Variants in F5 observed in about 807,000 individuals in gnomAD.
The protein encoded by F5 is activated protein c cofactor.
Under a neutral mutation model 216.4 loss-of-function variants are expected in F5, and 138 were observed. The ratio of observed to expected loss-of-function variants is 0.64; its 90% CI spans 0.56 to 0.73. The LOEUF (loss-of-function observed/expected upper bound fraction) is 0.73. F5 is among the 30% of genes least tolerant of loss of function. The pLI is 0.00. For missense variants in F5, 2,403 were observed against 2,674.0 expected, an observed-to-expected ratio of 0.90 and a Z score of 2.24; for synonymous variants, 916 against 930.7, an observed-to-expected ratio of 0.98 and a Z score of 0.29.
chr1:169,546,622 C>T lies in F5; in HGVS notation c.1612-30G>A, dbSNP rs1423658721. 6 of 1,600,164 alleles carry T rather than the reference C, an allele frequency of 3.7e-6. No homozygotes were observed. In the Admixed American group the frequency reaches 8.3e-5, roughly 22 times the overall value. On this transcript the variant is annotated intron_variant, in intron 10 of 24. Coordinates refer to ENST00000367797, the MANE Select transcript of F5 (RefSeq NM_000130.5). ...AGGACAAAACAGTATAGTACTGGTA[C>T]AAGAACAGACGCATAGACCAATGGA...
intron 1 of F5, among the ~76,000 whole-genome samples, chr1:169,582,798 C>A (rs1193241389): frequency 2.0e-5 from 3 of 152,112 alleles, no homozygotes; most frequent in Admixed American, 6.5e-5. Flanking sequence ...AAAAAGAACC[C>A]AATATCACAG....
intron 5 of F5, among the ~76,000 whole-genome samples, chr1:169,558,603 G>T (rs570239034): frequency 2.2e-3 from 340 of 152,226 alleles, no homozygotes; most frequent in Middle Eastern, 6.8e-3. Context: ...GAAGAGATGT[G>T]GTCTAAGTGG....
At chr1:169,550,298 C>CCCCCG (rs1553221193) in intron 9 of F5, among the ~76,000 whole-genome samples, 1 of 134,426 alleles carries the variant, frequency 7.4e-6, no homozygotes, top group Non-Finnish European at 1.6e-5. Flanking sequence ...ACCCCCCCCC[C>CCCCCG]CCGACAGGCC....
At chr1:169,523,394 A>G (rs750480452) in intron 20 of F5, 42 bp from the exon 21 acceptor site, 1 of 1,608,964 alleles carries the variant, frequency 6.2e-7, no homozygotes, top group South Asian at 1.1e-5. Context: ...GTCCTTGTCA[A>G]CAAGTCACAC....
At chr1:169,565,325 C>A (rs1660573591) in intron 3 of F5, among the ~76,000 whole-genome samples, 1 of 152,030 alleles carries the variant, frequency 6.6e-6, no homozygotes, top group Admixed American at 6.6e-5. Context: ...GTGTCCTGCA[C>A]ATTTTGGTCA....
intron 2 of F5, among the ~76,000 whole-genome samples, chr1:169,575,668 A>G (rs949533191): frequency 6.6e-6 from 1 of 152,132 alleles, no homozygotes; most frequent in Non-Finnish European, 1.5e-5. Context: ...GATGTGGGGT[A>G]GAGAATAAAG....
intron 11 of F5, among the ~76,000 whole-genome samples, chr1:169,545,024 C>T (rs1307205538): frequency 1.3e-5 from 2 of 152,190 alleles, no homozygotes; most frequent in African/African-American, 2.4e-5. Flanking sequence ...AAAAGGGACA[C>T]TGCTGTAGGC....
intron 2 of F5, among the ~76,000 whole-genome samples, chr1:169,579,227 C>G (rs887034967): frequency 6.6e-6 from 1 of 152,150 alleles, no homozygotes; most frequent in East Asian, 1.9e-4. Flanking sequence ...ATATTAATAG[C>G]ATTTGACCCT....
chr1:169,517,722 A>G (rs1323513365), intron 23 of F5, among the ~76,000 whole-genome samples: 5 of 152,154 alleles, frequency 3.3e-5, no homozygotes, highest in Non-Finnish European at 7.4e-5. Context: ...TTTAACTTAG[A>G]TCACTGATTT....
Position 169,525,913 on chromosome 1 carries a change from T to C in F5, c.5704A>G (p.Ile1902Val). The change falls in exon 18 of 25, where the codon ATC becomes GTC. Residue 1902 changes from isoleucine to valine, a missense_variant. By Grantham distance (29) the Ile-to-Val change is conservative. Transcript: ENST00000367797. The stretch of plus-strand genomic sequence containing the variant: ...GCTCTTGTGATACCTCTGTCCATGA[T>C]AAGAAATGGCGTTTGCATCCCTGCT... ...QRAGMQTPFLIMDRDCRMPMG... is the reference protein window; with the variant it reads ...QRAGMQTPFLVMDRDCRMPMG... 6.2e-7 allele frequency: 1 copy of C among 1,612,218 alleles called. No homozygotes were observed. Among genetic ancestry groups the C allele is most frequent in the Non-Finnish European group, 8.5e-7 (1 of 1,178,454 alleles).
At chr1:169,555,376 A>C (rs1017456342) in intron 6 of F5, 29 bp from the exon 7 acceptor site, 15 of 1,611,356 alleles carry the variant, frequency 9.3e-6, no homozygotes, top group Middle Eastern at 1.6e-4. Context: ...ACAATGAAAT[A>C]ACTCAAGAGA....
intron 22 of F5, 112 bp downstream of exon 22, chr1:169,520,408 C>T: frequency 2.2e-6 from 3 of 1,342,432 alleles, no homozygotes; most frequent in Non-Finnish European, 3.2e-6. Flanking sequence ...CAAAGGTTTT[C>T]CTAGGAGCCT....
At chr1:169,519,817 A>AGAT (rs1659251786) in intron 22 of F5, among the ~76,000 whole-genome samples, 1 of 152,226 alleles carries the variant, frequency 6.6e-6, no homozygotes, top group Non-Finnish European at 1.5e-5. Flanking sequence ...AATGCCAGGC[A>AGAT]GATATTATTT....
At position 169,540,449 on chromosome 1, in the gene F5, A is replaced by G. The variant is rs138504020; in HGVS notation, c.4641T>C (p.Asp1547=). 2.1e-4 allele frequency: 334 copies of G among 1,614,026 alleles called. No homozygotes were observed. The highest frequency in any genetic ancestry group is 2.7e-4 in the Admixed American group (16 of 59,992). ...TCCTAACATCAGTTTTGTAGGGGTC[A>G]TCATAGGGCACATAATCAATTTCAG... is the stretch of plus-strand genomic sequence containing the variant. ...DYAEIDYVPY[D]DPYKTDVRTN... The change falls in exon 13 of 25, where the codon GAT becomes GAC. Residue 1547 remains aspartate, a synonymous_variant. Coordinates refer to ENST00000367797, the MANE Select transcript of F5 (RefSeq NM_000130.5).
chr1:169,538,075 C>A (rs990861426), intron 13 of F5, among the ~76,000 whole-genome samples: 1 of 151,750 alleles, frequency 6.6e-6, no homozygotes, highest in Non-Finnish European at 1.5e-5. Flanking sequence ...GGGAAGCAAC[C>A]CAAATGTCTA....
intron 2 of F5, among the ~76,000 whole-genome samples, chr1:169,582,209 T>C (rs1411886439): frequency 6.6e-6 from 1 of 152,186 alleles, no homozygotes; most frequent in African/African-American, 2.4e-5. Context: ...CCTGGCTTGG[T>C]TTAATGCTTT....
intron 3 of F5, among the ~76,000 whole-genome samples, chr1:169,561,674 G>T (rs1347208456): frequency 6.6e-6 from 1 of 152,090 alleles, no homozygotes. Flanking sequence ...CCTATCATCA[G>T]CTGGTGACAG....
rs562576919 is a variant in F5, at chr1:169,561,691, T to C, written c.374-925A>G. ...TATCATCAGCTGGTGACAGAATTTC[T>C]CTTTGGGATGCAGTTATTTTTGTTT... is the stretch of plus-strand genomic sequence containing the variant. On this transcript the variant is annotated intron_variant, in intron 3 of 24. Coordinates refer to ENST00000367797, the MANE Select transcript of F5 (RefSeq NM_000130.5). Among the ~76,000 whole-genome samples, 36 of 152,248 alleles carry C rather than the reference T, an allele frequency of 2.4e-4. No individual in the cohort carries two copies. In the Middle Eastern group the frequency reaches 0.01, roughly 43 times the overall value.
chr1:169,523,111 T>A, intron 21 of F5, 86 bp downstream of exon 21: 8 of 1,463,960 alleles, frequency 5.5e-6, no homozygotes, highest in Non-Finnish European at 7.6e-6. Flanking sequence ...AGGTATTTTT[T>A]AAAATACATA....
Sources: allele counts gnomAD v4.1 joint callset (sites outside exome capture counted in the v4.1 genomes callset), GRCh38; gene constraint gnomAD v4.1.1; transcripts MANE v1.5; gene names NCBI Gene and HGNC (gene_info 2026-07-23, HGNC 2026-07-21).